MYLK4: variants seen among roughly 807,000 people sequenced by gnomAD.
The protein encoded by MYLK4 is myosin light chain kinase family member 4, also known as caMLCK like.
MYLK4 carries 46 observed loss-of-function variants against 48.1 expected under a neutral mutation model. The observed-to-expected ratio is 0.96, with a 90% CI of 0.75 to 1.22. MYLK4 has a LOEUF of 1.22. MYLK4 is among the 50% of genes most tolerant of loss of function. The probability of loss-of-function intolerance (pLI) is 0.00; values close to 1 mark genes in which losing one functional copy is unlikely to be tolerated. For synonymous variants in MYLK4, 170 were observed against 180.8 expected (o/e 0.94, Z 0.48); for missense variants, 451 against 486.1 (o/e 0.93, Z 0.68).
chr6:2,691,873 T>A (rs183909150), intron 3 of MYLK4, among the ~76,000 whole-genome samples: 1 of 152,326 alleles, frequency 6.6e-6, no homozygotes, highest in African/African-American at 2.4e-5. Flanking sequence ...AAGTTATAAA[T>A]CATTGCTTCA....
chr6:2,692,901 C>G (rs745368436), intron 2 of MYLK4, 42 bp from the exon 3 acceptor site: 1 of 1,577,346 alleles, frequency 6.3e-7, no homozygotes, highest in African/African-American at 1.3e-5. Context: ...CATATCACAT[C>G]TGGGCTTTTC....
At chr6:2,686,013 G>A (rs9501878) in intron 4 of MYLK4, among the ~76,000 whole-genome samples, 57,001 of 149,950 alleles carry the variant, frequency 0.38, 11,544 homozygotes, top group African/African-American at 0.52. Context: ...GGTTGCAGTG[G>A]GCCGAGATCG....
chr6:2,742,976 C>G (rs1763949797), intron 2 of MYLK4, among the ~76,000 whole-genome samples: 1 of 152,082 alleles, frequency 6.6e-6, no homozygotes, highest in Non-Finnish European at 1.5e-5. Context: ...GGCAATAGCA[C>G]CCCAAAGGAA....
the MYLK4 span, chr6:2,765,740 C>T: frequency 2.2e-5 from 33 of 1,516,144 alleles, no homozygotes; most frequent in Non-Finnish European, 2.8e-5. Context: ...GGACCGCTGT[C>T]TGCTGCTCCA....
At position 2,685,294 on chromosome 6, in the gene MYLK4, A is replaced by C. The variant is rs143815409; in HGVS notation, c.545+2T>G. The C allele has an allele frequency of 1.4e-5, 22 of 1,608,854 alleles. No homozygotes were observed. In the East Asian group the frequency reaches 4.5e-4, roughly 33 times the overall value. On this transcript the variant is annotated splice_donor_variant, in intron 6 of 12. Transcript: ENST00000274643. LOFTEE classifies it high-confidence loss of function. This position sits in a 1 kb window ranked among gnomAD's most constrained non-coding sequence, Gnocchi z 4.5. ...CAGGGAGGGGGCGGAGGGGATACGT[A>C]CTACTCCATGACCAGGACAATGTCG...
At chr6:2,755,831 C>T (rs1316572764), upstream of MYLK4, among the ~76,000 whole-genome samples, 1 of 152,156 alleles carries the variant, frequency 6.6e-6, no homozygotes, top group Non-Finnish European at 1.5e-5. Context: ...ATTCTAATTT[C>T]CTGATTGTGT....
intron 10 of MYLK4, among the ~76,000 whole-genome samples, chr6:2,675,863 C>T (rs550306852): frequency 6.6e-5 from 10 of 152,100 alleles, no homozygotes; most frequent in African/African-American, 1.7e-4. Flanking sequence ...GAGGCCGAGG[C>T]GGGTGGATCA....
chr6:2,691,238 G>A lies in MYLK4; in HGVS notation c.235+1546C>T, dbSNP rs979996750. Reference sequence around the variant, plus strand: ...GACCTTACTGAACACATCTGGCAGTGTTGAAGTTTCTTTCTTAGCAATCAT... The same window carrying A: ...GACCTTACTGAACACATCTGGCAGTATTGAAGTTTCTTTCTTAGCAATCAT... On this transcript the variant is annotated intron_variant, in intron 3 of 12. Transcript: ENST00000274643. 5.3e-5 allele frequency among the ~76,000 whole-genome samples: 8 copies of A among 152,318 alleles called. No individual in the cohort carries two copies. The South Asian group carries it at 1.4e-3, about 28-fold the overall frequency.
chr6:2,736,336 C>T (rs1295708927), intron 2 of MYLK4, among the ~76,000 whole-genome samples: 1 of 152,224 alleles, frequency 6.6e-6, no homozygotes, highest in Non-Finnish European at 1.5e-5. Flanking sequence ...CTCACTGCAA[C>T]CTCCGCCTCC....
At chr6:2,745,545 C>A (rs764104121) in intron 2 of MYLK4, among the ~76,000 whole-genome samples, 1 of 152,072 alleles carries the variant, frequency 6.6e-6, no homozygotes, top group Admixed American at 6.5e-5. Flanking sequence ...AAATTTTACA[C>A]AGTAGGTAGA....
intron 2 of MYLK4, among the ~76,000 whole-genome samples, chr6:2,695,540 GC>G (rs1442622571): frequency 6.6e-6 from 1 of 152,132 alleles, no homozygotes; most frequent in African/African-American, 2.4e-5. Context: ...AAGAGAGGTT[GC>G]TTTTTTCTTT....
At chr6:2,726,998 G>A (rs1046295575) in intron 2 of MYLK4, among the ~76,000 whole-genome samples, 7 of 152,152 alleles carry the variant, frequency 4.6e-5, no homozygotes, top group Non-Finnish European at 8.8e-5. Context: ...ATCTCACAGC[G>A]GGAGAGATCA....
Position 2,683,090 on chromosome 6 carries a change from C to G in MYLK4, c.618G>C (p.Leu206=), listed in dbSNP as rs541303896. 1.7e-4 allele frequency: 282 copies of G among 1,614,032 alleles called. No homozygotes were observed. The highest frequency in any genetic ancestry group is 2.3e-4 in the Non-Finnish European group (272 of 1,180,032). ...SYNLTELDTI[L]FMKQICEGIR... ...TCCCCTCACATATCTGCTTCATGAACAGGATGGTATCAAGCTCCGTCAAAT... is the reference window on the plus strand; with the variant it reads ...TCCCCTCACATATCTGCTTCATGAAGAGGATGGTATCAAGCTCCGTCAAAT... The change falls in exon 7 of 13, where the codon CTG becomes CTC. Residue 206 remains leucine, a synonymous_variant. Coordinates refer to ENST00000274643, the MANE Select transcript of MYLK4 (RefSeq NM_001012418.5).
intron 12 of MYLK4, among the ~76,000 whole-genome samples, chr6:2,670,264 G>T (rs1368083128): frequency 1.3e-5 from 2 of 152,188 alleles, no homozygotes; most frequent in African/African-American, 4.8e-5. Flanking sequence ...TACTCAGGAT[G>T]CTGAGGCAGG....
At chr6:2,751,169 G>A (rs140541646), upstream of MYLK4, among the ~76,000 whole-genome samples, 63 of 152,198 alleles carry the variant, frequency 4.1e-4, no homozygotes, top group African/African-American at 1.3e-3. Context: ...ATTTGTCCTC[G>A]GCAATCATCT....
At chr6:2,703,759 C>G (rs1394350828) in intron 2 of MYLK4, among the ~76,000 whole-genome samples, 4 of 149,392 alleles carry the variant, frequency 2.7e-5, no homozygotes, top group African/African-American at 1.0e-4. Context: ...CAAACTCCGC[C>G]TCCGGGGTTC....
At chr6:2,745,644 G>T in intron 2 of MYLK4, among the ~76,000 whole-genome samples, 1 of 152,148 alleles carries the variant, frequency 6.6e-6, no homozygotes, top group South Asian at 2.1e-4. Context: ...GGAAAAATAG[G>T]CCACACACAG....
At chr6:2,765,413 T>G in the MYLK4 span, 1 of 453,376 alleles carries the variant, frequency 2.2e-6, no homozygotes, top group Non-Finnish European at 3.4e-6. Flanking sequence ...ACACGCCGCG[T>G]GAGGCGCTGC....
chr6:2,706,374 C>A (rs544494549), intron 2 of MYLK4, among the ~76,000 whole-genome samples: 177 of 151,580 alleles, frequency 1.2e-3, no homozygotes, highest in African/African-American at 4.0e-3. Context: ...AGAAAAAAAA[C>A]CCCACAAAAG....
Sources: allele counts gnomAD v4.1 joint callset (sites outside exome capture counted in the v4.1 genomes callset), GRCh38; gene constraint gnomAD v4.1.1; non-coding constraint Gnocchi (gnomAD v3.1); transcripts MANE v1.5; gene names NCBI Gene and HGNC (gene_info 2026-07-23, HGNC 2026-07-21).